The following LMAN2 variants were observed in gnomAD, a reference collection of about 807,000 sequenced individuals.
The protein encoded by LMAN2 is vesicular integral-membrane protein VIP36.
LMAN2 carries 22 observed loss-of-function variants against 39.3 expected under a neutral mutation model. That is an observed-to-expected ratio of 0.56 (90% CI 0.40 to 0.80). The LOEUF (loss-of-function observed/expected upper bound fraction) is 0.80, where lower values mean the gene tolerates loss of function less well. LMAN2 is among the 30% of genes least tolerant of loss of function. LMAN2 has a pLI of 0.00. For missense variants in LMAN2, 494 were observed against 505.4 expected, an observed-to-expected ratio of 0.98 and a Z score of 0.22; for synonymous variants, 207 against 207.8, an observed-to-expected ratio of 1.00 and a Z score of 0.03.
At chr5:177,350,963 G>A (rs1393640435) in intron 2 of LMAN2, among the ~76,000 whole-genome samples, 1 of 152,206 alleles carries the variant, frequency 6.6e-6, no homozygotes, top group Non-Finnish European at 1.5e-5. Flanking sequence ...CTTTTAAAGT[G>A]AGGAGGATGT....
In LMAN2 at chr5:177,332,494, G is replaced by A. The variant is rs1761404327; in HGVS notation, c.911-248C>T. ...ACCCGGGACCCCAGCGACAAGCCTG[G>A]GCTGCCTTCTGCTGCAGGAAGCCAG... is the stretch of plus-strand genomic sequence containing the variant. On this transcript the variant is annotated intron_variant, in intron 7 of 7. Coordinates refer to ENST00000303127, the MANE Select transcript of LMAN2 (RefSeq NM_006816.3). The surrounding 1 kb of genome is among the most constrained non-coding windows in gnomAD (Gnocchi z 6.3). Among the ~76,000 whole-genome samples, 1 of 152,284 alleles carries A rather than the reference G, an allele frequency of 6.6e-6. No individual in the cohort carries two copies. The highest frequency in any genetic ancestry group is 6.5e-5 in the Admixed American group (1 of 15,308).
chr5:177,332,061 G>A lies in LMAN2; in HGVS notation c.*25C>T. ...AGTTCACATTGGCTCCTGGGCCCAG[G>A]GACAGGCCCCGCCGGAGGCGCCACT... On this transcript the variant is annotated 3_prime_UTR_variant, in exon 8 of 8. Transcript: ENST00000303127. This position sits in a 1 kb window ranked among gnomAD's most constrained non-coding sequence, Gnocchi z 6.3. 6 of 1,583,508 alleles carry A rather than the reference G, an allele frequency of 3.8e-6. No individual in the cohort carries two copies. The highest frequency in any genetic ancestry group is 1.1e-5 in the South Asian group (1 of 89,796).
chr5:177,340,956 CG>C (rs1287694019), intron 2 of LMAN2, among the ~76,000 whole-genome samples: 3 of 151,618 alleles, frequency 2.0e-5, no homozygotes, highest in African/African-American at 7.3e-5. Flanking sequence ...AGGGTTTCAC[CG>C]TGTTAGCCAG....
chr5:177,349,163 A>G (rs978899550), intron 2 of LMAN2, among the ~76,000 whole-genome samples: 7 of 152,138 alleles, frequency 4.6e-5, no homozygotes, highest in Non-Finnish European at 1.0e-4. Context: ...TGCAGCCACC[A>G]GGCACTTAAG....
intron 2 of LMAN2, among the ~76,000 whole-genome samples, chr5:177,345,349 A>T (rs1581605627): frequency 6.6e-6 from 1 of 150,926 alleles, no homozygotes; most frequent in East Asian, 1.9e-4. Flanking sequence ...TAAAAAAAAA[A>T]AAAAAAAAAA....
intron 2 of LMAN2, among the ~76,000 whole-genome samples, chr5:177,344,216 C>G (rs1004637300): frequency 1.3e-5 from 2 of 149,768 alleles, no homozygotes; most frequent in African/African-American, 5.0e-5. Flanking sequence ...AGACCCCCCC[C>G]ATCTCTAAAA....
chr5:177,344,047 C>T (rs1469135933), intron 2 of LMAN2, among the ~76,000 whole-genome samples: 2 of 149,630 alleles, frequency 1.3e-5, no homozygotes, highest in African/African-American at 2.5e-5. Flanking sequence ...CCCAGCTCTA[C>T]AAAAAATTAA....
intron 2 of LMAN2, among the ~76,000 whole-genome samples, chr5:177,349,974 AG>A (rs903617603): frequency 6.6e-5 from 10 of 151,916 alleles, no homozygotes; most frequent in African/African-American, 2.4e-4. Flanking sequence ...GAAGGCAGCC[AG>A]GGGGGGCTGG....
At chr5:177,339,053 A>G (rs971216256) in intron 2 of LMAN2, among the ~76,000 whole-genome samples, 1 of 152,248 alleles carries the variant, frequency 6.6e-6, no homozygotes, top group African/African-American at 2.4e-5. Context: ...CAACTTGTCC[A>G]GAGCAGCTCA....
chr5:177,339,738 T>C (rs2127316175), intron 2 of LMAN2, among the ~76,000 whole-genome samples: 1 of 152,270 alleles, frequency 6.6e-6, no homozygotes, highest in Admixed American at 6.5e-5. Context: ...CATGAACCAG[T>C]ATTAATGATG....
chr5:177,337,503 C>T lies in LMAN2; in HGVS notation c.535G>A (p.Val179Met), dbSNP rs1020783506. ...GACAGGGAGCCATTGTTCACCATCA[C>T]CGAGATGTACGGGAACACGCGCTGG... ...TTERVFPYIS[V>M]MVNNGSLSYD... Residue 179 changes from valine to methionine, a missense_variant, in exon 5 of 8, where the codon GTG becomes ATG. Transcript: ENST00000303127. The surrounding 1 kb of genome is among the most constrained non-coding windows in gnomAD (Gnocchi z 8.2). 5.0e-6 allele frequency: 8 copies of T among 1,614,016 alleles called. No homozygotes were observed. The African/African-American group carries it at 9.3e-5, about 19-fold the overall frequency.
intron 2 of LMAN2, 53 bp from the exon 3 acceptor site, chr5:177,338,658 G>T: frequency 6.8e-7 from 1 of 1,472,068 alleles, no homozygotes; most frequent in Non-Finnish European, 9.5e-7. Context: ...CTTCCAGCAA[G>T]CTGGAGGCAA....
Position 177,351,563 on chromosome 5 carries a change from G to T in LMAN2, c.85C>A (p.Pro29Thr). 2 of 1,614,198 alleles carry T rather than the reference G, an allele frequency of 1.2e-6. No individual in the cohort carries two copies. The highest frequency in any genetic ancestry group is 1.7e-6 in the Non-Finnish European group (2 of 1,180,038). The change falls in exon 1 of 8, where the codon CCC becomes ACC. Residue 29 changes from proline to threonine, a missense_variant. Physicochemically the swap from Pro to Thr is conservative, Grantham distance 38 (BLOSUM62 -1). Coordinates refer to ENST00000303127, the MANE Select transcript of LMAN2 (RefSeq NM_006816.3). ...RPGLLGPGPG[P>T]TTPLFLLLLL... ...AAAAGAAGAAAGAGAGGTGTAGTGG[G>T]GCCAGGGCCGGGGCCGAGAAGCCCA...
rs765770010 is a variant in LMAN2, at chr5:177,351,526, G to A, written c.122C>T (p.Ser41Phe). The change falls in exon 1 of 8, where the codon TCT becomes TTT. Residue 41 changes from serine to phenylalanine, a missense_variant. Coordinates refer to ENST00000303127, the MANE Select transcript of LMAN2 (RefSeq NM_006816.3). ...TPLFLLLLLG[S>F]VTADITDGNS... ...GCCGTCAGTTATATCCGCAGTCACA[G>A]ACCCCAACAACAAAAGAAGAAAGAG... The A allele has an allele frequency of 1.2e-6, 2 of 1,614,258 alleles. No individual in the cohort carries two copies. The highest frequency in any genetic ancestry group is 1.7e-5 in the Admixed American group (1 of 60,032).
Position 177,337,191 on chromosome 5 carries a change from C to T in LMAN2, c.735G>A (p.Val245=), listed in dbSNP as rs1190873986. 1 of 1,614,002 alleles carries T rather than the reference C, an allele frequency of 6.2e-7. No individual in the cohort carries two copies. The highest frequency in any genetic ancestry group is 1.7e-5 in the Admixed American group (1 of 60,024). ...EWKNCIDITG[V]RLPTGYYFGA... ...CGAAGTAGTAGCCGGTGGGCAGGCG[C>T]ACTCCCGTGATGTCAATGCAGTTCT... The change falls in exon 6 of 8, where the codon GTG becomes GTA. Residue 245 remains valine, a synonymous_variant. Coordinates refer to ENST00000303127, the MANE Select transcript of LMAN2 (RefSeq NM_006816.3). This position sits in a 1 kb window ranked among gnomAD's most constrained non-coding sequence, Gnocchi z 8.2.
At chr5:177,346,406 T>A in intron 2 of LMAN2, 1 of 732,400 alleles carries the variant, frequency 1.4e-6, no homozygotes, top group Non-Finnish European at 1.9e-6. Flanking sequence ...GAGGTGGAAG[T>A]CACCATTGCA....
chr5:177,340,631 G>A lies in LMAN2; in HGVS notation c.316-2026C>T, dbSNP rs1391543613. 6.6e-5 allele frequency among the ~76,000 whole-genome samples: 10 copies of A among 152,114 alleles called. 1 individual carries two copies. Among genetic ancestry groups the A allele is most frequent in the Non-Finnish European group, 1.2e-4 (8 of 67,984 alleles). ...CTAAAAATACAAAAATTAGCCAGGC[G>A]TGGTGGTACATGCCTGTAATTCCAG... On this transcript the variant is annotated intron_variant, in intron 2 of 7. Coordinates refer to ENST00000303127, the MANE Select transcript of LMAN2 (RefSeq NM_006816.3).
intron 2 of LMAN2, among the ~76,000 whole-genome samples, chr5:177,344,281 CTTTTTTTTTTTT>C (rs59101629): frequency 1.2e-5 from 1 of 82,288 alleles, no homozygotes; most frequent in African/African-American, 5.2e-5. Flanking sequence ...CGCTTTGTTA[CTTTTTTTTTTTT>C]TTTTTTTTTT....
At position 177,338,584 on chromosome 5, in the gene LMAN2, C is replaced by G. The variant is rs369742970; in HGVS notation, c.337G>C (p.Glu113Gln). Residue 113 changes from glutamate (E) to glutamine (Q), a missense_variant, in exon 3 of 8, where the codon GAA (glutamate) becomes CAA (glutamine). Coordinates refer to ENST00000303127, the MANE Select transcript of LMAN2 (RefSeq NM_006816.3). Reference sequence around the variant, plus strand: ...TGGACTTTGAAGTGGACGTGCATTTCCCAGTCTTTGAGGAAGCACGGCTGG... The same window carrying G: ...TGGACTTTGAAGTGGACGTGCATTTGCCAGTCTTTGAGGAAGCACGGCTGG... ...NHQPCFLKDW[E>Q]MHVHFKVHGT... The G allele has an allele frequency of 1.2e-6, 2 of 1,614,242 alleles. No homozygotes were observed. The highest frequency in any genetic ancestry group is 1.7e-6 in the Non-Finnish European group (2 of 1,180,032).
Sources: allele counts gnomAD v4.1 joint callset (sites outside exome capture counted in the v4.1 genomes callset), GRCh38; gene constraint gnomAD v4.1.1; non-coding constraint Gnocchi (gnomAD v3.1); transcripts MANE v1.5; gene names NCBI Gene and HGNC (gene_info 2026-07-23, HGNC 2026-07-21).